The following PABPC4L variants were observed in gnomAD, a reference collection of about 807,000 sequenced individuals.
PABPC4L encodes the protein polyadenylate-binding protein 4-like.
For synonymous variants in PABPC4L, 169 were observed against 164.1 expected (o/e 1.03, Z -0.23); for missense variants, 452 against 451.4 (o/e 1.00, Z -0.01).
the PABPC4L span, among the ~76,000 whole-genome samples, chr4:134,185,244 T>C: frequency 1.3e-5 from 2 of 151,912 alleles, no homozygotes; most frequent in Non-Finnish European, 1.5e-5. Context: ...AAAAAGAGAA[T>C]TTTAGACCAA....
At chr4:133,959,028 G>C in the PABPC4L span, among the ~76,000 whole-genome samples, 3 of 152,070 alleles carry the variant, frequency 2.0e-5, no homozygotes. Flanking sequence ...AAAATATACA[G>C]GTTTTCCTGT....
chr4:134,111,651 G>T, the PABPC4L span, among the ~76,000 whole-genome samples: 1 of 151,940 alleles, frequency 6.6e-6, no homozygotes, highest in African/African-American at 2.4e-5. Flanking sequence ...ATGGGGGCCA[G>T]TCTTTCTCGT....
chr4:134,135,644 C>G, the PABPC4L span, among the ~76,000 whole-genome samples: 2 of 151,956 alleles, frequency 1.3e-5, no homozygotes, highest in African/African-American at 4.8e-5. Flanking sequence ...CCAGCCTGAC[C>G]AACATGGAGA....
At chr4:133,969,325 A>T in the PABPC4L span, among the ~76,000 whole-genome samples, 1 of 152,336 alleles carries the variant, frequency 6.6e-6, no homozygotes, top group South Asian at 2.1e-4. Context: ...TTATAAAATC[A>T]TACCCCATTT....
the PABPC4L span, among the ~76,000 whole-genome samples, chr4:134,081,756 C>CA: frequency 1.3e-5 from 2 of 151,970 alleles, no homozygotes; most frequent in East Asian, 1.9e-4. Flanking sequence ...ACCAACTAAC[C>CA]AAAAAAACAC....
At chr4:134,150,970 G>A in the PABPC4L span, among the ~76,000 whole-genome samples, 1 of 152,102 alleles carries the variant, frequency 6.6e-6, no homozygotes, top group Non-Finnish European at 1.5e-5. Context: ...ATGAACCGAA[G>A]TAAAACTTCT....
the PABPC4L span, among the ~76,000 whole-genome samples, chr4:134,001,483 G>T: frequency 6.6e-6 from 1 of 152,076 alleles, no homozygotes; most frequent in Non-Finnish European, 1.5e-5. Flanking sequence ...ATAGTCATGA[G>T]CAGGACTTTA....
At chr4:134,009,610 T>C in the PABPC4L span, among the ~76,000 whole-genome samples, 1 of 152,062 alleles carries the variant, frequency 6.6e-6, no homozygotes, top group Non-Finnish European at 1.5e-5. Flanking sequence ...CTGCTAGGTT[T>C]AATTATTTCT....
chr4:134,018,113 G>T, the PABPC4L span, among the ~76,000 whole-genome samples: 13 of 151,988 alleles, frequency 8.6e-5, no homozygotes, highest in Admixed American at 2.6e-4. Flanking sequence ...CTTAACTGAT[G>T]ACATTGTCTC....
At chr4:134,102,834 C>A in the PABPC4L span, among the ~76,000 whole-genome samples, 1 of 151,376 alleles carries the variant, frequency 6.6e-6, no homozygotes, top group South Asian at 2.1e-4. Context: ...ATATTTAAGT[C>A]TAAATATGTT....
chr4:134,021,193 A>C, the PABPC4L span, among the ~76,000 whole-genome samples: 17 of 152,172 alleles, frequency 1.1e-4, no homozygotes, highest in African/African-American at 4.1e-4. Context: ...ATATACAGGT[A>C]GTTTATTTAA....
At chr4:134,014,279 ATAGAG>A in the PABPC4L span, among the ~76,000 whole-genome samples, 1 of 152,194 alleles carries the variant, frequency 6.6e-6, no homozygotes, top group Non-Finnish European at 1.5e-5. Context: ...GTGTACAATA[ATAGAG>A]TAGAGGCAGC....
At chr4:134,141,017 T>C in the PABPC4L span, among the ~76,000 whole-genome samples, 1 of 151,822 alleles carries the variant, frequency 6.6e-6, no homozygotes, top group Non-Finnish European at 1.5e-5. Context: ...GATTTGAAAT[T>C]AGGATGTGCA....
chr4:134,012,688 T>C, the PABPC4L span, among the ~76,000 whole-genome samples: 1 of 152,180 alleles, frequency 6.6e-6, no homozygotes, highest in Non-Finnish European at 1.5e-5. Flanking sequence ...TCCTGCTCTT[T>C]GCTCCATGAG....
chr4:134,113,295 A>G, the PABPC4L span, among the ~76,000 whole-genome samples: 2 of 151,798 alleles, frequency 1.3e-5, no homozygotes, highest in Non-Finnish European at 2.9e-5. Context: ...TTCACTCACC[A>G]CTCACTCACT....
the PABPC4L span, among the ~76,000 whole-genome samples, chr4:133,958,197 C>T: frequency 6.6e-6 from 1 of 152,166 alleles, no homozygotes; most frequent in Non-Finnish European, 1.5e-5. Flanking sequence ...CAAATAATCT[C>T]TTTCAAGTTC....
the PABPC4L span, among the ~76,000 whole-genome samples, chr4:134,136,641 AC>A: frequency 6.6e-6 from 1 of 151,910 alleles, no homozygotes; most frequent in Non-Finnish European, 1.5e-5. Context: ...TCTATTGTTC[AC>A]TTTGGACATC....
chr4:134,086,591 C>T, the PABPC4L span, among the ~76,000 whole-genome samples: 1 of 151,858 alleles, frequency 6.6e-6, no homozygotes, highest in Admixed American at 6.6e-5. Context: ...AAAAGTAGAG[C>T]AGATCTTATT....
the PABPC4L span, among the ~76,000 whole-genome samples, chr4:133,983,986 C>T: frequency 6.6e-6 from 1 of 151,688 alleles, no homozygotes; most frequent in Non-Finnish European, 1.5e-5. Flanking sequence ...ACAAAGAAAT[C>T]TATATAGGTA....
Sources: gnomAD v4.1 joint callset for allele counts (sites outside exome capture counted in the v4.1 genomes callset) on GRCh38, gnomAD v4.1.1 for gene constraint, MANE v1.5 for transcripts, NCBI Gene and HGNC (gene_info 2026-07-23, HGNC 2026-07-21) for gene names.